The following ALDH6A1 variants were observed in gnomAD, a reference collection of about 807,000 sequenced individuals.
ALDH6A1 encodes the protein aldehyde dehydrogenase 6 family member A1.
A neutral mutation model predicts 62.6 loss-of-function variants in ALDH6A1; 43 were observed. That is an observed-to-expected ratio of 0.69 (90% CI 0.54 to 0.89). The LOEUF is 0.89. ALDH6A1 is among the 40% of genes least tolerant of loss of function. The probability of loss-of-function intolerance (pLI) is 0.00; values close to 1 mark genes in which losing one functional copy is unlikely to be tolerated. For missense variants in ALDH6A1, 551 were observed against 661.3 expected (o/e 0.83, Z 1.83); for synonymous variants, 194 against 234.2 (o/e 0.83, Z 1.57).
In ALDH6A1 at chr14:74,059,138, A is replaced by C. The variant is rs1217384226; in HGVS notation, c.*1504T>G. ...AGGCAGTTGAACTAATGGCAGAAGA[A>C]GACTGTCAAAGCATTTTTTTTTAAC... On this transcript the variant is annotated 3_prime_UTR_variant, in exon 12 of 12. Transcript: ENST00000553458. 2 of 201,416 alleles carry C rather than the reference A, an allele frequency of 9.9e-6. No homozygotes were observed. Among genetic ancestry groups the C allele is most frequent in the Non-Finnish European group, 2.0e-5 (2 of 98,098 alleles). 12.5% of individuals were successfully genotyped at this position (201,416 alleles called of 1,614,324 possible). A position where few individuals can be genotyped will look rare whatever the true frequency, so the allele number is the denominator to read the frequency against.
rs765993112 is a variant in ALDH6A1, at chr14:74,072,607, G to A, written c.116C>T (p.Thr39Ile). ...TTTCCCACCAATGAAGAGCTTTACA[G>A]TTGGCTGAAAAAAACAAACAAACAA... ...SASSFSSSVP[T>I]VKLFIGGKFV... Residue 39 changes from threonine (T) to isoleucine (I), a missense_variant, in exon 3 of 12, where the codon ACT becomes ATT. Transcript: ENST00000553458. 6.2e-6 allele frequency: 10 copies of A among 1,612,898 alleles called. No individual in the cohort carries two copies. The African/African-American group carries it at 1.3e-4, about 22-fold the overall frequency.
chr14:74,065,090 A>G (rs2060438923), intron 10 of ALDH6A1, 91 bp downstream of exon 10: 4 of 1,513,126 alleles, frequency 2.6e-6, no homozygotes, highest in South Asian at 2.3e-5. Context: ...CATGGGGGCA[A>G]TCTTAAACCA....
intron 1 of ALDH6A1, 137 bp from the exon 2 acceptor site, chr14:74,075,154 G>A: frequency 1.4e-6 from 1 of 729,248 alleles, no homozygotes; most frequent in Non-Finnish European, 2.4e-6. Context: ...TCATTAAAGA[G>A]AAAAGATATG....
rs1434193741 is a variant in ALDH6A1 at position 74,057,251 on chromosome 14, C to G, written c.*3391G>C. ...ACTATTCCAAAAGAACCTCAGGAGT[C>G]TGACACAGTAAGGAGTCTGTATCTA... On this transcript the variant is annotated 3_prime_UTR_variant, in exon 12 of 12. Transcript: ENST00000553458. The G allele has an allele frequency of 2.5e-6, 4 of 1,614,096 alleles. No homozygotes were observed. The highest frequency in any genetic ancestry group is 2.5e-6 in the Non-Finnish European group (3 of 1,179,966).
chr14:74,080,312 T>C (rs2060657860), intron 1 of ALDH6A1, among the ~76,000 whole-genome samples: 2 of 151,988 alleles, frequency 1.3e-5, no homozygotes, highest in Non-Finnish European at 2.9e-5. Flanking sequence ...GTCTCTCACT[T>C]GACCTTCCAT....
chr14:74,064,977 A>G, intron 10 of ALDH6A1, 57 bp from the exon 11 acceptor site: 1 of 1,527,544 alleles, frequency 6.5e-7, no homozygotes, highest in Non-Finnish European at 9.0e-7. Context: ...TCCATTTAGA[A>G]ACACAAAGGC....
At chr14:74,074,802 G>A (rs954112877) in intron 2 of ALDH6A1, among the ~76,000 whole-genome samples, 153 bp downstream of exon 2, 1 of 152,172 alleles carries the variant, frequency 6.6e-6, no homozygotes, top group Admixed American at 6.6e-5. Flanking sequence ...TTTTGACATG[G>A]TAATCCATTT....
chr14:74,068,767 G>T, intron 7 of ALDH6A1, 93 bp downstream of exon 7: 1 of 1,407,028 alleles, frequency 7.1e-7, no homozygotes, highest in Middle Eastern at 1.8e-4. Flanking sequence ...ACTGACATTG[G>T]AGTGGGATGA....
intron 9 of ALDH6A1, chr14:74,066,085 C>A: frequency 6.5e-6 from 1 of 154,084 alleles, no homozygotes; most frequent in Non-Finnish European, 1.4e-5. Flanking sequence ...TAAAAATTGA[C>A]AAGTCAATTA....
intron 1 of ALDH6A1, among the ~76,000 whole-genome samples, chr14:74,076,124 T>C (rs1363011920): frequency 6.6e-6 from 1 of 152,230 alleles, no homozygotes; most frequent in Non-Finnish European, 1.5e-5. Context: ...ATTGTGATGC[T>C]ATTTTCACAG....
intron 6 of ALDH6A1, chr14:74,070,727 CA>C (rs1223936894): frequency 5.7e-6 from 1 of 176,770 alleles, no homozygotes; most frequent in Non-Finnish European, 1.2e-5. Flanking sequence ...TTCTCTTCTG[CA>C]AAATGGAAAA....
At chr14:74,080,379 T>TC (rs898739365) in intron 1 of ALDH6A1, among the ~76,000 whole-genome samples, 2 of 150,574 alleles carry the variant, frequency 1.3e-5, no homozygotes, top group African/African-American at 4.9e-5. Context: ...TTTTTTTTTT[T>TC]TTTTTTGAGA....
In ALDH6A1 at chr14:74,059,404, A is replaced by G. The variant is rs1305984442; in HGVS notation, c.*1238T>C. 2.2e-6 allele frequency: 1 copy of G among 456,066 alleles called. No homozygotes were observed. The highest frequency in any genetic ancestry group is 4.4e-6 in the Non-Finnish European group (1 of 226,736). 28.3% of individuals were successfully genotyped at this position (456,066 alleles called of 1,614,324 possible). On this transcript the variant is annotated 3_prime_UTR_variant, in exon 12 of 12. Coordinates refer to ENST00000553458, the MANE Select transcript of ALDH6A1 (RefSeq NM_005589.4). ...TTTGAAATAATTTTCTAAGAAAATT[A>G]TTTGCATCTGGCTGGGTGTGGTGGC... is the stretch of plus-strand genomic sequence containing the variant.
In ALDH6A1 at chr14:74,056,873, T is replaced by C; in HGVS notation, c.*3769A>G. On this transcript the variant is annotated 3_prime_UTR_variant, in exon 12 of 12. Transcript: ENST00000553458. ...GAAGGCATGAGGAGACACTGCCTCA[T>C]TCATTATCTTTGTTGACTTTTACCC... is the stretch of plus-strand genomic sequence containing the variant. The C allele has an allele frequency of 6.8e-7, 1 of 1,463,868 alleles. No individual in the cohort carries two copies. The allele number at this position is 1,463,868 out of a possible 1,614,324, so 90.7% of individuals were successfully genotyped here.
intron 1 of ALDH6A1, among the ~76,000 whole-genome samples, chr14:74,083,183 A>G (rs2060687434): frequency 6.6e-6 from 1 of 152,184 alleles, no homozygotes; most frequent in Non-Finnish European, 1.5e-5. Flanking sequence ...GAATCTTAAA[A>G]CTGCCCAAGT....
intron 5 of ALDH6A1, 39 bp downstream of exon 5, chr14:74,071,857 G>T: frequency 6.3e-7 from 1 of 1,598,846 alleles, no homozygotes; most frequent in Non-Finnish European, 8.6e-7. Context: ...ATCTTCCTTT[G>T]GTCCTTCCCA....
intron 1 of ALDH6A1, among the ~76,000 whole-genome samples, chr14:74,077,503 A>G (rs1356080530): frequency 2.0e-5 from 3 of 152,198 alleles, no homozygotes; most frequent in Non-Finnish European, 4.4e-5. Context: ...GTCATAATAT[A>G]ACAGAGAAGA....
chr14:74,073,019 C>T lies in ALDH6A1; in HGVS notation c.112-408G>A, dbSNP rs540841069. ...TTCACCATGTCGGCCAGACTGATCT[C>T]GAACTCCTGACCTCAGGTGATCCAC... On this transcript the variant is annotated intron_variant, in intron 2 of 11. Transcript: ENST00000553458. Among the ~76,000 whole-genome samples the T allele has an allele frequency of 8.5e-5, 13 of 152,310 alleles. No individual in the cohort carries two copies. The South Asian group carries it at 2.5e-3, about 29-fold the overall frequency.
intron 10 of ALDH6A1, 36 bp from the exon 11 acceptor site, chr14:74,064,956 C>A: frequency 6.3e-7 from 1 of 1,577,954 alleles, no homozygotes; most frequent in Non-Finnish European, 8.7e-7. Flanking sequence ...ATCCTAAGGA[C>A]AAAGGAACTC....
Sources: gnomAD v4.1 joint callset for allele counts (sites outside exome capture counted in the v4.1 genomes callset) on GRCh38, gnomAD v4.1.1 for gene constraint, MANE v1.5 for transcripts, NCBI Gene and HGNC (gene_info 2026-07-23, HGNC 2026-07-21) for gene names.